The following RANBP2 variants were observed in gnomAD, a reference collection of about 807,000 sequenced individuals.
RANBP2 encodes RAN binding protein 2, also known as E3 SUMO-protein ligase RanBP2.
A neutral mutation model predicts 303.6 loss-of-function variants in RANBP2; 57 were observed. The observed-to-expected ratio is 0.19, with a 90% confidence interval of 0.15 to 0.23. RANBP2 has a LOEUF of 0.23. Among genes scored for constraint, RANBP2 ranks in the 10% least tolerant of loss-of-function variants. RANBP2 has a pLI of 1.00. For missense variants in RANBP2, 3,138 were observed against 3,780.8 expected, an observed-to-expected ratio of 0.83 and a Z score of 4.46; for synonymous variants, 1,167 against 1,301.5, an observed-to-expected ratio of 0.90 and a Z score of 2.23.
chr2:109,691,738 G>C, the RANBP2 span, among the ~76,000 whole-genome samples: 3 of 151,466 alleles, frequency 2.0e-5, no homozygotes, highest in Non-Finnish European at 2.9e-5. Flanking sequence ...ATGCAGCCCT[G>C]TTTCCACCTC....
the RANBP2 span, chr2:108,883,940 CAG>C: frequency 1.7e-4 from 6 of 35,080 alleles, no homozygotes; most frequent in African/African-American, 3.6e-4. Flanking sequence ...TTGTTTGAGG[CAG>C]AGTCTCTCAC....
At chr2:109,345,877 A>G in the RANBP2 span, among the ~76,000 whole-genome samples, 2 of 152,098 alleles carry the variant, frequency 1.3e-5, no homozygotes, top group African/African-American at 2.4e-5. Context: ...GGTGTTTGGC[A>G]GTGTCCCTGG....
At chr2:109,315,555 C>T in the RANBP2 span, among the ~76,000 whole-genome samples, 560 of 152,288 alleles carry the variant, frequency 3.7e-3, 4 homozygotes, top group Non-Finnish European at 5.1e-3. Context: ...GCAAAGGGGA[C>T]CATGTGTGCC....
chr2:109,382,573 C>T, the RANBP2 span, among the ~76,000 whole-genome samples: 1 of 152,222 alleles, frequency 6.6e-6, no homozygotes, highest in Non-Finnish European at 1.5e-5. Flanking sequence ...CCCTCTGTCA[C>T]CCCACACAGA....
At chr2:108,911,184 G>A in the RANBP2 span, 1 of 1,370,328 alleles carries the variant, frequency 7.3e-7, no homozygotes, top group Non-Finnish European at 1.0e-6. Flanking sequence ...TGCTTTCAGG[G>A]AACCCTGAAA....
At chr2:109,156,009 A>G in the RANBP2 span, among the ~76,000 whole-genome samples, 1 of 152,154 alleles carries the variant, frequency 6.6e-6, no homozygotes, top group Non-Finnish European at 1.5e-5. Context: ...CCAGAGCCCC[A>G]TGCTTCCCAC....
At chr2:108,848,954 C>T in the RANBP2 span, among the ~76,000 whole-genome samples, 7 of 152,068 alleles carry the variant, frequency 4.6e-5, no homozygotes, top group African/African-American at 1.7e-4. Context: ...GTCTTTACTG[C>T]AGTTATTATA....
the RANBP2 span, among the ~76,000 whole-genome samples, chr2:109,223,313 C>T: frequency 6.6e-6 from 1 of 152,228 alleles, no homozygotes; most frequent in Non-Finnish European, 1.5e-5. Context: ...AGCAGCCTAC[C>T]TGGTGTGTTT....
At chr2:108,907,900 A>C in the RANBP2 span, 1 of 1,613,650 alleles carries the variant, frequency 6.2e-7, no homozygotes, top group Non-Finnish European at 8.5e-7. Context: ...CTCCCTGGCC[A>C]GGTGAACCAG....
chr2:108,844,869 T>A, the RANBP2 span, among the ~76,000 whole-genome samples: 1 of 151,362 alleles, frequency 6.6e-6, no homozygotes, highest in Non-Finnish European at 1.5e-5. Flanking sequence ...TGCCTCACCC[T>A]CCTGAATAGC....
the RANBP2 span, among the ~76,000 whole-genome samples, chr2:109,599,395 T>C: frequency 6.7e-6 from 1 of 150,186 alleles, no homozygotes; most frequent in Non-Finnish European, 1.5e-5. Context: ...GAGGCGGAGG[T>C]TGCAGTGAGC....
the RANBP2 span, among the ~76,000 whole-genome samples, chr2:109,167,451 A>G: frequency 6.6e-6 from 1 of 152,214 alleles, no homozygotes; most frequent in African/African-American, 2.4e-5. Flanking sequence ...ATTGGTAGAA[A>G]TAACCCCCAG....
chr2:108,791,492 T>C, the RANBP2 span: 48 of 648,292 alleles, frequency 7.4e-5, no homozygotes, highest in Non-Finnish European at 1.2e-4. Flanking sequence ...TTGTAGTGGG[T>C]TATCAATGAT....
chr2:108,875,186 A>G, the RANBP2 span, among the ~76,000 whole-genome samples: 1 of 151,818 alleles, frequency 6.6e-6, no homozygotes, highest in Non-Finnish European at 1.5e-5. Context: ...TTGTCAAATA[A>G]CTAGACAAGG....
In RANBP2 at chr2:108,730,780, A is replaced by G; in HGVS notation, c.147A>G (p.Ile49Met). 3.7e-6 allele frequency: 6 copies of G among 1,611,480 alleles called. No individual in the cohort carries two copies. The highest frequency in any genetic ancestry group is 2.2e-5 in the South Asian group (2 of 90,974). Reference protein sequence around the residue: ...AKEYDLAKKYICTYINVQERD... With the variant: ...AKEYDLAKKYMCTYINVQERD... ...TATTACTTTTAAAAAACAGATACAT[A>G]TGTACTTACATTAATGTGCAAGAGA... Residue 49 changes from isoleucine (I) to methionine (M), a missense_variant, in exon 3 of 29, where the codon ATA becomes ATG. Physicochemically the swap from Ile to Met is conservative, Grantham distance 10. Coordinates refer to ENST00000283195, the MANE Select transcript of RANBP2 (RefSeq NM_006267.5).
the RANBP2 span, among the ~76,000 whole-genome samples, chr2:108,851,114 A>T: frequency 6.6e-6 from 1 of 152,230 alleles, no homozygotes; most frequent in East Asian, 1.9e-4. Context: ...TCAGCGAAAC[A>T]CTTAACCAGT....
chr2:109,554,518 CA>C, the RANBP2 span, among the ~76,000 whole-genome samples: 25 of 152,128 alleles, frequency 1.6e-4, no homozygotes, highest in Admixed American at 1.3e-4. Context: ...ACACTCACAC[CA>C]CCCCCACCCA....
chr2:109,500,517 G>A, the RANBP2 span, among the ~76,000 whole-genome samples: 1 of 152,230 alleles, frequency 6.6e-6, no homozygotes, highest in Non-Finnish European at 1.5e-5. Context: ...AGAGGCCTCA[G>A]AGGCTGCAGG....
chr2:109,577,912 C>CG, the RANBP2 span, among the ~76,000 whole-genome samples: 3 of 92,344 alleles, frequency 3.2e-5, no homozygotes, highest in African/African-American at 1.2e-4. Flanking sequence ...GACTTTGTCT[C>CG]AAAAAAAAAA....
Sources: allele counts gnomAD v4.1 joint callset (sites outside exome capture counted in the v4.1 genomes callset), GRCh38; gene constraint gnomAD v4.1.1; transcripts MANE v1.5; gene names NCBI Gene and HGNC (gene_info 2026-07-23, HGNC 2026-07-21).